The following FARS2 variants were observed in gnomAD, a reference collection of about 807,000 sequenced individuals.
FARS2 encodes phenylalanyl-tRNA synthetase 2, mitochondrial.
FARS2 carries 40 observed loss-of-function variants against 46.4 expected under a neutral mutation model. The ratio of observed to expected loss-of-function variants is 0.86; its 90% CI spans 0.67 to 1.12. The LOEUF is 1.12. Among genes scored for constraint, FARS2 ranks in the 50% most tolerant of loss-of-function variants. The probability of loss-of-function intolerance (pLI) is 0.00; values close to 1 mark genes in which losing one functional copy is unlikely to be tolerated. For missense variants in FARS2, 513 were observed against 567.9 expected, an observed-to-expected ratio of 0.90 and a Z score of 0.98; for synonymous variants, 234 against 214.9, an observed-to-expected ratio of 1.09 and a Z score of -0.78.
At chr6:5,629,701 G>A (rs1158894747) in intron 6 of FARS2, among the ~76,000 whole-genome samples, 1 of 152,148 alleles carries the variant, frequency 6.6e-6, no homozygotes, top group African/African-American at 2.4e-5. Context: ...GGTAAGGTTG[G>A]TGGTTGGAAA....
At chr6:5,256,419 G>A (rs1242591695), upstream of FARS2, among the ~76,000 whole-genome samples, 1 of 145,106 alleles carries the variant, frequency 6.9e-6, no homozygotes, top group Non-Finnish European at 1.5e-5. Context: ...GAACCTGGGA[G>A]GTGGAGGTTG....
chr6:5,280,861 T>A (rs1766672919), intron 1 of FARS2, among the ~76,000 whole-genome samples: 1 of 152,304 alleles, frequency 6.6e-6, no homozygotes, highest in Non-Finnish European at 1.5e-5. Flanking sequence ...TTTTAAGGTT[T>A]AGTTAAGAAG....
At chr6:5,330,163 A>G (rs1201358049) in intron 1 of FARS2, among the ~76,000 whole-genome samples, 3 of 152,198 alleles carry the variant, frequency 2.0e-5, no homozygotes, top group Middle Eastern at 3.2e-3. Context: ...GGCTGCTCCT[A>G]TTATCCCTAT....
In FARS2 at chr6:5,545,898, C is replaced by T. The variant is rs547877289; in HGVS notation, c.1065+558C>T. ...ATCTCAGCACTTTGGGAGGCCAAGA[C>T]GGGTGGATCACCTGAGGTCAAGAGT... On this transcript the variant is annotated intron_variant, in intron 5 of 6. Transcript: ENST00000274680. Among the ~76,000 whole-genome samples, 10 of 152,212 alleles carry T rather than the reference C, an allele frequency of 6.6e-5. No individual in the cohort carries two copies. In the East Asian group the frequency reaches 9.7e-4, roughly 15 times the overall value.
chr6:5,286,684 G>A (rs913808962), intron 1 of FARS2, among the ~76,000 whole-genome samples: 3 of 152,120 alleles, frequency 2.0e-5, no homozygotes, highest in African/African-American at 4.8e-5. Flanking sequence ...TATATTCAAT[G>A]CGATTTATAA....
At chr6:5,304,643 G>C (rs1167935998) in intron 1 of FARS2, among the ~76,000 whole-genome samples, 2 of 151,826 alleles carry the variant, frequency 1.3e-5, no homozygotes. Context: ...TTATGTTTGT[G>C]TTTGTGTTTG....
chr6:5,489,512 TG>T (rs1452567716), intron 4 of FARS2, among the ~76,000 whole-genome samples: 1 of 152,214 alleles, frequency 6.6e-6, no homozygotes, highest in Non-Finnish European at 1.5e-5. Context: ...TGACATTTGA[TG>T]TTTCAATGTT....
chr6:5,627,715 A>G (rs1412994976), intron 6 of FARS2, among the ~76,000 whole-genome samples: 1 of 152,262 alleles, frequency 6.6e-6, no homozygotes, highest in Non-Finnish European at 1.5e-5. Flanking sequence ...AGTACTCAAT[A>G]CGTATTTTTG....
intron 4 of FARS2, among the ~76,000 whole-genome samples, chr6:5,436,165 C>T (rs1245427440): frequency 6.6e-6 from 1 of 152,152 alleles, no homozygotes; most frequent in Non-Finnish European, 1.5e-5. Context: ...TGGTGCCAGG[C>T]CTTTCCCTGG....
At chr6:5,633,959 A>G (rs1225227279) in intron 6 of FARS2, among the ~76,000 whole-genome samples, 1 of 152,046 alleles carries the variant, frequency 6.6e-6, no homozygotes, top group Non-Finnish European at 1.5e-5. Flanking sequence ...TCTGCCTTTT[A>G]TTATCCTTCA....
chr6:5,665,274 A>C (rs559971367), intron 6 of FARS2: 3 of 152,528 alleles, frequency 2.0e-5, no homozygotes, highest in Admixed American at 6.5e-5. Context: ...GCAGGTGAAT[A>C]GGGGCCATGG....
chr6:5,495,780 C>T lies in FARS2; in HGVS notation c.905-49400C>T, dbSNP rs148620707. Among the ~76,000 whole-genome samples, 1,380 of 152,268 alleles carry T rather than the reference C, an allele frequency of 9.1e-3. 18 individuals carry two copies. Among genetic ancestry groups the T allele is most frequent in the African/African-American group, 0.032 (1,319 of 41,544 alleles). On this transcript the variant is annotated intron_variant, in intron 4 of 6. Transcript: ENST00000274680. ...AGTTGAAGTAATCAAAGGCAGAGAC[C>T]ATAACAGAACAATGTGGACTCTGAG...
chr6:5,646,249 G>A (rs879827462), intron 6 of FARS2, among the ~76,000 whole-genome samples: 1 of 152,154 alleles, frequency 6.6e-6, no homozygotes, highest in African/African-American at 2.4e-5. Flanking sequence ...ACTGTTTTCC[G>A]AGTATATCTA....
chr6:5,308,277 C>T (rs1768860225), intron 1 of FARS2, among the ~76,000 whole-genome samples: 1 of 152,144 alleles, frequency 6.6e-6, no homozygotes, highest in South Asian at 2.1e-4. Flanking sequence ...CCCAGTGATG[C>T]AGACATTAGT....
intron 4 of FARS2, among the ~76,000 whole-genome samples, chr6:5,463,132 C>T (rs1765336153): frequency 6.6e-6 from 1 of 152,184 alleles, no homozygotes; most frequent in Non-Finnish European, 1.5e-5. Context: ...ATCTTTAATT[C>T]CTTTCAGCAG....
intron 1 of FARS2, among the ~76,000 whole-genome samples, chr6:5,301,023 G>C (rs755412985): frequency 2.0e-5 from 3 of 151,788 alleles, no homozygotes; most frequent in Non-Finnish European, 4.4e-5. Context: ...AGCCACATCT[G>C]GTTATTTCTG....
intron 4 of FARS2, among the ~76,000 whole-genome samples, chr6:5,462,749 A>T (rs546905763): frequency 6.6e-6 from 1 of 152,350 alleles, no homozygotes; most frequent in Admixed American, 6.5e-5. Flanking sequence ...GTTAGTGTTA[A>T]GTTCTCAAAC....
chr6:5,329,037 G>C (rs1409201208), intron 1 of FARS2, among the ~76,000 whole-genome samples: 2 of 151,970 alleles, frequency 1.3e-5, no homozygotes, highest in African/African-American at 4.8e-5. Context: ...TCTTCTGTGT[G>C]GTGGGTAGGT....
chr6:5,658,289 G>A lies in FARS2; in HGVS notation c.1217+44969G>A, dbSNP rs982387000. 4.6e-5 allele frequency among the ~76,000 whole-genome samples: 7 copies of A among 151,152 alleles called. No individual in the cohort carries two copies. In the South Asian group the frequency reaches 1.3e-3, roughly 27 times the overall value. On this transcript the variant is annotated intron_variant, in intron 6 of 6. Transcript: ENST00000274680. ...AAAAAAAAAGAGAACTTAGAACAGTGCCTGGCACAAAATAATTGCTCAATA... is the reference window on the plus strand; with the variant it reads ...AAAAAAAAAGAGAACTTAGAACAGTACCTGGCACAAAATAATTGCTCAATA...
Sources: gnomAD v4.1 joint callset for allele counts (sites outside exome capture counted in the v4.1 genomes callset) on GRCh38, gnomAD v4.1.1 for gene constraint, MANE v1.5 for transcripts, NCBI Gene and HGNC (gene_info 2026-07-23, HGNC 2026-07-21) for gene names.